The following NUP88 variants were observed in gnomAD, a reference collection of about 807,000 sequenced individuals.
NUP88 encodes the protein nucleoporin 88.
In NUP88, 57 loss-of-function variants were observed where a neutral mutation model predicts 93.9. The observed-to-expected ratio is 0.61, with a 90% confidence interval of 0.49 to 0.76. The LOEUF is 0.76. NUP88 is among the 30% of genes least tolerant of loss of function. The pLI, the probability that NUP88 is intolerant of heterozygous loss-of-function variation, is 0.00. For missense variants in NUP88, 911 were observed against 901.0 expected, an observed-to-expected ratio of 1.01 and a Z score of -0.14; for synonymous variants, 346 against 336.8, an observed-to-expected ratio of 1.03 and a Z score of -0.30.
At chr17:5,398,890 CTTTT>C (rs751156685) in intron 8 of NUP88, among the ~76,000 whole-genome samples, 1 of 131,920 alleles carries the variant, frequency 7.6e-6, no homozygotes. Flanking sequence ...TGCACCCAGC[CTTTT>C]TTTTTTTTTT....
chr17:5,405,466 C>T (rs1020918427), intron 5 of NUP88, among the ~76,000 whole-genome samples: 1 of 152,190 alleles, frequency 6.6e-6, no homozygotes, highest in African/African-American at 2.4e-5. Flanking sequence ...TGTCTGAAGA[C>T]ATTTTGGCTT....
intron 10 of NUP88, among the ~76,000 whole-genome samples, chr17:5,391,216 C>T (rs1015591284): frequency 3.9e-5 from 6 of 152,114 alleles, no homozygotes; most frequent in Admixed American, 2.0e-4. Flanking sequence ...GGAGGCAGTG[C>T]GGGTACGTGG....
chr17:5,416,144 CAAAAA>C lies in NUP88; in HGVS notation c.467+364_467+368del, dbSNP rs1206275413. The stretch of plus-strand genomic sequence containing the variant: ...TGGGTGACAGAGCAAGACTCCATCT[CAAAAA>C]AAAAAAAAAAAAAAAAAGTATATAT... On this transcript the variant is annotated intron_variant, in intron 2 of 16. Transcript: ENST00000573584. 4.1e-4 allele frequency among the ~76,000 whole-genome samples: 30 copies of C among 72,658 alleles called. 1 individual carries two copies. The highest frequency in any genetic ancestry group is 1.5e-3 in the African/African-American group (28 of 18,414). The allele number at this position is 72,658 out of a possible 152,430, so 47.7% of individuals were successfully genotyped here. A position where few individuals can be genotyped will look rare whatever the true frequency, so the allele number is the denominator to read the frequency against.
At chr17:5,394,731 T>G (rs1051919028) in intron 9 of NUP88, among the ~76,000 whole-genome samples, 160 bp downstream of exon 9, 2 of 152,102 alleles carry the variant, frequency 1.3e-5, no homozygotes, top group African/African-American at 2.4e-5. Context: ...GGAGAAAGCT[T>G]CTGATGAGCA....
chr17:5,408,913 G>GA lies in NUP88; in HGVS notation c.681-5dup. On this transcript the variant is annotated splice_polypyrimidine_tract_variant and splice_region_variant and intron_variant, in intron 4 of 16. Coordinates refer to ENST00000573584, the MANE Select transcript of NUP88 (RefSeq NM_002532.6). ...TAGAGATGCGGTATACGCCCTTCTG[G>GA]AAAGAGATGTAAAAACCAACTTGTT... is the stretch of plus-strand genomic sequence containing the variant. The GA allele has an allele frequency of 6.5e-7, 1 of 1,547,772 alleles. No homozygotes were observed. Among genetic ancestry groups the GA allele is most frequent in the Non-Finnish European group, 8.7e-7 (1 of 1,151,460 alleles).
At chr17:5,387,740 AG>A (rs1252548602) in intron 12 of NUP88, 38 bp downstream of exon 12, 1 of 1,609,274 alleles carries the variant, frequency 6.2e-7, no homozygotes, top group Non-Finnish European at 8.5e-7. Flanking sequence ...ATCAGCTACC[AG>A]CCAGGGATCG....
At chr17:5,398,159 C>T (rs899168046) in intron 8 of NUP88, among the ~76,000 whole-genome samples, 1 of 151,162 alleles carries the variant, frequency 6.6e-6, no homozygotes, top group Non-Finnish European at 1.5e-5. Context: ...GTGCCTCGGC[C>T]TCCAAAGTGC....
In NUP88 at chr17:5,394,969, T is replaced by G. The variant is rs1265981893; in HGVS notation, c.1304A>C (p.Lys435Thr). 1 of 1,602,922 alleles carries G rather than the reference T, an allele frequency of 6.2e-7. No individual in the cohort carries two copies. The highest frequency in any genetic ancestry group is 8.5e-7 in the Non-Finnish European group (1 of 1,169,846). ...HKFLGSDEED[K>T]DSLQELSTEQ... The stretch of plus-strand genomic sequence containing the variant: ...TGTAGAGAGTTCCTGTAAACTATCC[T>G]TATCTTCTTCATCTACCATGGAAGA... The change falls in exon 9 of 17, where the codon AAG (lysine) becomes ACG (threonine). Residue 435 changes from lysine (K) to threonine (T), a missense_variant. Physicochemically the swap from Lys to Thr is moderately conservative, Grantham distance 78. Transcript: ENST00000573584.
rs569492232 is a variant in NUP88, at chr17:5,391,368, G to A, written c.1484+193C>T. 424 of 531,548 alleles carry A rather than the reference G, an allele frequency of 8.0e-4. 7 individuals are homozygous for A. In the East Asian group the frequency reaches 0.013, roughly 16 times the overall value. The allele number at this position is 531,548 out of a possible 1,614,324, so 32.9% of individuals were successfully genotyped here. A position where few individuals can be genotyped will look rare whatever the true frequency, so the allele number is the denominator to read the frequency against. On this transcript the variant is annotated intron_variant, in intron 10 of 16. Transcript: ENST00000573584. The stretch of plus-strand genomic sequence containing the variant: ...TCTCAGCTAGGTGCAGGGGATGCCA[G>A]AAACTATACCTACAATGAAACCTTA...
intron 5 of NUP88, among the ~76,000 whole-genome samples, chr17:5,405,902 T>G (rs922165622): frequency 3.3e-5 from 5 of 152,242 alleles, no homozygotes; most frequent in African/African-American, 1.2e-4. Context: ...TTGACTTTTT[T>G]CAAAATACAC....
chr17:5,416,764 T>TAG, intron 1 of NUP88, 82 bp from the exon 2 acceptor site: 1 of 1,054,134 alleles, frequency 9.5e-7, no homozygotes, highest in Non-Finnish European at 1.4e-6. Flanking sequence ...CAGTAATACT[T>TAG]AGTTTACTAC....
At chr17:5,418,872 T>G (rs1914381396) in intron 1 of NUP88, among the ~76,000 whole-genome samples, 1 of 152,236 alleles carries the variant, frequency 6.6e-6, no homozygotes, top group Non-Finnish European at 1.5e-5. Flanking sequence ...ATTTTGGGTA[T>G]GGCTTTATTT....
chr17:5,414,995 A>G (rs1370457394), intron 2 of NUP88, among the ~76,000 whole-genome samples: 3 of 151,306 alleles, frequency 2.0e-5, no homozygotes, highest in Non-Finnish European at 2.9e-5. Context: ...ATTTATTTTA[A>G]TAATTTAAAT....
chr17:5,407,401 GT>G (rs1315190838), intron 5 of NUP88, among the ~76,000 whole-genome samples: 1 of 152,164 alleles, frequency 6.6e-6, no homozygotes, highest in Non-Finnish European at 1.5e-5. Context: ...TGCCCTTCTG[GT>G]AGTTAAGGAA....
chr17:5,394,777 T>C lies in NUP88; in HGVS notation c.1382+114A>G. 5.4e-6 allele frequency: 4 copies of C among 736,464 alleles called. No homozygotes were observed. In the South Asian group the frequency reaches 6.6e-5, roughly 12 times the overall value. The allele number at this position is 736,464 out of a possible 1,614,324, so 45.6% of individuals were successfully genotyped here. On this transcript the variant is annotated intron_variant, in intron 9 of 16. Transcript: ENST00000573584. ...AGGGGAGAAGTATCACGTCTGCAAC[T>C]TTCAAATGACTCAGCAGTGAATACT...
intron 1 of NUP88, 34 bp from the exon 2 acceptor site, chr17:5,416,716 A>G (rs768506372): frequency 3.4e-5 from 53 of 1,554,568 alleles, no homozygotes; most frequent in Non-Finnish European, 4.5e-5. Flanking sequence ...AACATAGTTA[A>G]TTTTAATTTA....
At chr17:5,390,680 G>A (rs978531179) in intron 10 of NUP88, among the ~76,000 whole-genome samples, 2 of 150,746 alleles carry the variant, frequency 1.3e-5, no homozygotes, top group Admixed American at 1.3e-4. Context: ...CCTTAAAGGA[G>A]CAAAGACTAA....
chr17:5,407,339 C>A (rs752818707), intron 5 of NUP88, among the ~76,000 whole-genome samples: 1 of 152,204 alleles, frequency 6.6e-6, no homozygotes, highest in Non-Finnish European at 1.5e-5. Context: ...CTGAAGAACC[C>A]GGTGATGCCC....
At chr17:5,387,340 T>C (rs774348495) in intron 14 of NUP88, 46 bp downstream of exon 14, 7 of 1,514,030 alleles carry the variant, frequency 4.6e-6, no homozygotes, top group Non-Finnish European at 6.4e-6. Context: ...TTAAATATCG[T>C]TGTTAGTACC....
Sources: allele counts gnomAD v4.1 joint callset (sites outside exome capture counted in the v4.1 genomes callset), GRCh38; gene constraint gnomAD v4.1.1; transcripts MANE v1.5; gene names NCBI Gene and HGNC (gene_info 2026-07-23, HGNC 2026-07-21).